The following ADHFE1 variants were observed in gnomAD, a reference collection of about 807,000 sequenced individuals.
ADHFE1 encodes hydroxyacid-oxoacid transhydrogenase, mitochondrial.
A neutral mutation model predicts 54.8 loss-of-function variants in ADHFE1; 37 were observed. The observed-to-expected ratio is 0.68, with a 90% CI of 0.52 to 0.89. The LOEUF (loss-of-function observed/expected upper bound fraction) is 0.89. Among genes scored for constraint, ADHFE1 ranks in the 40% least tolerant of loss-of-function variants. ADHFE1 has a pLI of 0.00. For missense variants in ADHFE1, 601 were observed against 591.2 expected (o/e 1.02, Z -0.17); for synonymous variants, 203 against 229.3 (o/e 0.89, Z 1.04).
chr8:66,467,131 G>A lies in ADHFE1; in HGVS notation c.1321-1138G>A, dbSNP rs182568984. ...AGGAAGCTTCTCAAGCTGGACAGGCGAGTGATAGCAGTGTCCTGGATTCCG... is the reference window on the plus strand; with the variant it reads ...AGGAAGCTTCTCAAGCTGGACAGGCAAGTGATAGCAGTGTCCTGGATTCCG... On this transcript the variant is annotated intron_variant, in intron 13 of 13. Coordinates refer to ENST00000396623, the MANE Select transcript of ADHFE1 (RefSeq NM_144650.3). 1.1e-3 allele frequency among the ~76,000 whole-genome samples: 170 copies of A among 152,298 alleles called. 4 individuals are homozygous for A. The highest frequency in any genetic ancestry group is 0.011 in the Admixed American group (168 of 15,298).
intron 8 of ADHFE1, among the ~76,000 whole-genome samples, chr8:66,450,476 T>TAACTC (rs1280377704): frequency 6.6e-6 from 1 of 152,238 alleles, no homozygotes; most frequent in Non-Finnish European, 1.5e-5. Flanking sequence ...ACAAGCCATG[T>TAACTC]ATTAAATCTT....
intron 10 of ADHFE1, among the ~76,000 whole-genome samples, 200 bp from the exon 11 acceptor site, chr8:66,456,617 C>T (rs1425793052): frequency 6.6e-6 from 1 of 152,180 alleles, no homozygotes; most frequent in African/African-American, 2.4e-5. Flanking sequence ...TGAGCATTTT[C>T]AGAGGTTTTG....
intron 12 of ADHFE1, among the ~76,000 whole-genome samples, chr8:66,457,668 A>G (rs950074095): frequency 1.3e-5 from 2 of 152,148 alleles, no homozygotes; most frequent in African/African-American, 4.8e-5. Flanking sequence ...CTTTAAAAAC[A>G]TTTTTAAAAT....
intron 9 of ADHFE1, 124 bp from the exon 10 acceptor site, chr8:66,453,935 G>C (rs967496937): frequency 6.6e-7 from 1 of 1,526,070 alleles, no homozygotes; most frequent in Non-Finnish European, 8.8e-7. Context: ...TAACTTGCCT[G>C]ATTTTTCTTC....
intron 7 of ADHFE1, 77 bp downstream of exon 7, chr8:66,447,418 C>A: frequency 1.6e-6 from 2 of 1,262,166 alleles, no homozygotes; most frequent in African/African-American, 1.5e-5. Flanking sequence ...ATTTAAAAAT[C>A]AAGCAGTTAT....
chr8:66,466,560 A>C (rs62511225), intron 13 of ADHFE1, among the ~76,000 whole-genome samples: 85,570 of 151,644 alleles, frequency 0.56, 25,168 homozygotes, highest in African/African-American at 0.72. Flanking sequence ...CAAAACAAAT[A>C]CCTACTGTAT....
chr8:66,441,042 A>G (rs1805720324), intron 2 of ADHFE1, among the ~76,000 whole-genome samples: 1 of 152,224 alleles, frequency 6.6e-6, no homozygotes, highest in African/African-American at 2.4e-5. Flanking sequence ...AGACAGAAAC[A>G]TATCCAACCT....
In ADHFE1 at chr8:66,456,871, T is replaced by G; in HGVS notation, c.1041T>G (p.Asp347Glu). Residue 347 changes from aspartate (D) to glutamate (E), a missense_variant, in exon 11 of 14, where the codon GAT (aspartate) becomes GAG (glutamate). By Grantham distance (45) the Asp-to-Glu change is conservative. Coordinates refer to ENST00000396623, the MANE Select transcript of ADHFE1 (RefSeq NM_144650.3). ...TAGTGAAGATGTATAAAGCAAAGGA[T>G]TACAATGTGGATCACCCACTGGTGG... The part of the protein sequence containing the change: ...SGLVKMYKAK[D>E]YNVDHPLVPH... 5 of 1,582,278 alleles carry G rather than the reference T, an allele frequency of 3.2e-6. No individual in the cohort carries two copies. Among genetic ancestry groups the G allele is most frequent in the Non-Finnish European group, 4.3e-6 (5 of 1,168,094 alleles).
intron 13 of ADHFE1, among the ~76,000 whole-genome samples, chr8:66,467,083 G>A (rs761499093): frequency 1.3e-5 from 2 of 152,204 alleles, no homozygotes; most frequent in Non-Finnish European, 2.9e-5. Context: ...CAAGAATGGA[G>A]CAAAAGTGGA....
chr8:66,456,844 T>C lies in ADHFE1; in HGVS notation c.1014T>C (p.Gly338=), dbSNP rs1806613491. Reference sequence around the variant, plus strand: ...ATGGAATGTCTTACCCAATTTCAGGTTTAGTGAAGATGTATAAAGCAAAGG... The same window carrying C: ...ATGGAATGTCTTACCCAATTTCAGGCTTAGTGAAGATGTATAAAGCAAAGG... ...LCHGMSYPIS[G]LVKMYKAKDY... is the part of the protein sequence containing the mutation. Residue 338 remains glycine, a synonymous_variant, in exon 11 of 14, where the codon GGT becomes GGC. Transcript: ENST00000396623. The C allele has an allele frequency of 6.2e-7, 1 of 1,608,856 alleles. No individual in the cohort carries two copies. The highest frequency in any genetic ancestry group is 8.5e-7 in the Non-Finnish European group (1 of 1,177,816).
intron 1 of ADHFE1, among the ~76,000 whole-genome samples, chr8:66,436,956 C>T (rs946885566): frequency 7.2e-5 from 11 of 152,078 alleles, no homozygotes; most frequent in African/African-American, 1.9e-4. Flanking sequence ...CATCGGGTAC[C>T]GTGAAGACAG....
In ADHFE1 at chr8:66,440,146, T is replaced by G. The variant is rs200114356; in HGVS notation, c.60-16T>G. On this transcript the variant is annotated splice_polypyrimidine_tract_variant and intron_variant, in intron 1 of 13. Transcript: ENST00000396623. ...TCACCTTAGGTTTTTTTTGCTGTCG[T>G]TTTTATTTTCCCTAGGTGCCAGTGC... The G allele has an allele frequency of 1.9e-5, 30 of 1,608,920 alleles. No individual in the cohort carries two copies. In the African/African-American group the frequency reaches 3.9e-4, roughly 21 times the overall value.
At chr8:66,433,675 A>G (rs1805318739) in intron 1 of ADHFE1, among the ~76,000 whole-genome samples, 1 of 152,232 alleles carries the variant, frequency 6.6e-6, no homozygotes, top group South Asian at 2.1e-4. Flanking sequence ...TGCTGTAGAT[A>G]ATGGAAAGCC....
Position 66,439,168 on chromosome 8 carries a change from T to C in ADHFE1, c.60-994T>C. On this transcript the variant is annotated intron_variant, in intron 1 of 13. Coordinates refer to ENST00000396623, the MANE Select transcript of ADHFE1 (RefSeq NM_144650.3). The surrounding 1 kb of genome is among the most constrained non-coding windows in gnomAD (Gnocchi z 4.4). ...CTTCGCAGTTCGAATTTTTGAGATC[T>C]GGACGGCCACTGAGATCAACCCTTT... The C allele has an allele frequency of 1.0e-6, 1 of 984,268 alleles. No homozygotes were observed. The allele number at this position is 984,268 out of a possible 1,614,324, so 61.0% of individuals were successfully genotyped here.
chr8:66,461,302 G>T lies in ADHFE1; in HGVS notation c.1320+837G>T, dbSNP rs143283439. On this transcript the variant is annotated intron_variant, in intron 13 of 13. Transcript: ENST00000396623. ...CAGAGGTCACCTCAATGCTATGAGG[G>T]TATGAGGATAAGGATCTTCTGCCAC... Among the ~76,000 whole-genome samples the T allele has an allele frequency of 2.5e-3, 380 of 152,276 alleles. 1 individual carries two copies. The highest frequency in any genetic ancestry group is 8.8e-3 in the African/African-American group (365 of 41,552).
intron 9 of ADHFE1, chr8:66,453,805 C>T (rs1050945246): frequency 6.9e-7 from 1 of 1,446,836 alleles, no homozygotes; most frequent in African/African-American, 1.4e-5. Flanking sequence ...GCGTTGCCTC[C>T]CCCGGCGCTT....
intron 3 of ADHFE1, among the ~76,000 whole-genome samples, chr8:66,443,180 A>T (rs1805845699): frequency 6.6e-6 from 1 of 151,732 alleles, no homozygotes; most frequent in South Asian, 2.1e-4. Context: ...GTAAAGTAAC[A>T]ATTCTGGTGT....
At chr8:66,456,981 G>C (rs549919864) in intron 11 of ADHFE1, 86 bp downstream of exon 11, 5 of 1,491,460 alleles carry the variant, frequency 3.4e-6, no homozygotes, top group Non-Finnish European at 4.5e-6. Context: ...CGCCTGCTTA[G>C]AGTATGGGGT....
chr8:66,451,843 T>C, intron 8 of ADHFE1, 110 bp from the exon 9 acceptor site: 1 of 1,270,696 alleles, frequency 7.9e-7, no homozygotes, highest in Admixed American at 2.2e-5. Context: ...TTAGATAATA[T>C]ATCCACTGTG....
Sources: gnomAD v4.1 joint callset for allele counts (sites outside exome capture counted in the v4.1 genomes callset) on GRCh38, gnomAD v4.1.1 for gene constraint, Gnocchi (gnomAD v3.1) non-coding constraint, MANE v1.5 for transcripts, NCBI Gene and HGNC (gene_info 2026-07-23, HGNC 2026-07-21) for gene names.